Variants in DMD observed in about 807,000 individuals in gnomAD.
The protein encoded by DMD is dystrophin, also known as mutant dystrophin.
Under a neutral mutation model 330.1 loss-of-function variants are expected in DMD, and 63 were observed. The observed-to-expected ratio is 0.19, with a 90% CI of 0.16 to 0.24. The LOEUF (loss-of-function observed/expected upper bound fraction) is 0.24, where lower values mean the gene tolerates loss of function less well. Ranked by LOEUF, DMD falls within the 10% of genes least tolerant of loss-of-function variation. The pLI is 1.00. For missense variants in DMD, 3,344 were observed against 2,684.1 expected (o/e 1.25, Z -5.43); for synonymous variants, 1,223 against 959.8 (o/e 1.27, Z -5.07).
chrX:32,196,473 G>A (rs2097000888), intron 44 of DMD, among the ~76,000 whole-genome samples: 2 of 111,561 alleles, frequency 1.8e-5, no homozygotes, highest in African/African-American at 6.5e-5. Flanking sequence ...ATATTCAAAT[G>A]GATATACCAT....
At chrX:32,390,736 T>C (rs968621098) in intron 30 of DMD, among the ~76,000 whole-genome samples, 5 of 111,123 alleles carry the variant, frequency 4.5e-5, no homozygotes, top group Non-Finnish European at 7.5e-5. Flanking sequence ...CCCAGCCTGG[T>C]CCCAAACTCC....
chrX:31,599,149 CTTCTT>C (rs1034649700), intron 55 of DMD, among the ~76,000 whole-genome samples: 2 of 111,905 alleles, frequency 1.8e-5, no homozygotes, highest in Non-Finnish European at 3.8e-5. Context: ...CATTTTCTCT[CTTCTT>C]TTAATTATTA....
intron 44 of DMD, among the ~76,000 whole-genome samples, chrX:32,216,310 C>A (rs2097112143): frequency 8.9e-6 from 1 of 111,954 alleles, no homozygotes; most frequent in Non-Finnish European, 1.9e-5. Flanking sequence ...TCAAAGGACA[C>A]CACAAGTTGA....
At chrX:32,111,052 G>C (rs1461765388) in intron 44 of DMD, among the ~76,000 whole-genome samples, 2 of 112,050 alleles carry the variant, frequency 1.8e-5, no homozygotes, top group African/African-American at 6.5e-5. Context: ...GTTTACATAA[G>C]AAATAATGCG....
chrX:32,368,006 A>G (rs1252877602), intron 34 of DMD, among the ~76,000 whole-genome samples: 1 of 111,996 alleles, frequency 8.9e-6, no homozygotes, highest in Non-Finnish European at 1.9e-5. Flanking sequence ...TTGGGTTAGG[A>G]AAAAATATTG....
At chrX:32,760,528 T>A (rs2072141562) in intron 7 of DMD, among the ~76,000 whole-genome samples, 1 of 111,650 alleles carries the variant, frequency 9.0e-6, no homozygotes, top group Non-Finnish European at 1.9e-5. Context: ...CTACTGTATG[T>A]CCCTTGAGAT....
intron 59 of DMD, among the ~76,000 whole-genome samples, chrX:31,469,579 CTT>C (rs370127625): frequency 2.4e-3 from 273 of 111,807 alleles, no homozygotes; most frequent in African/African-American, 8.2e-3. Flanking sequence ...GTAGCCTGAC[CTT>C]TCTCTCTGGC....
intron 55 of DMD, among the ~76,000 whole-genome samples, chrX:31,574,400 C>G (rs1056119779): frequency 9.0e-6 from 1 of 110,615 alleles, no homozygotes; most frequent in East Asian, 2.8e-4. Context: ...GCCTCGGCCT[C>G]CCAAAGTGCT....
intron 7 of DMD, among the ~76,000 whole-genome samples, chrX:32,807,149 A>AAAAAAAAAAAT (rs2077017552): frequency 1.0e-5 from 1 of 98,614 alleles, no homozygotes; most frequent in Non-Finnish European, 2.0e-5. Flanking sequence ...AAAAAAAAAA[A>AAAAAAAAAAAT]CATCAACAAA....
At chrX:32,540,605 C>A (rs191140883) in intron 17 of DMD, among the ~76,000 whole-genome samples, 7 of 111,715 alleles carry the variant, frequency 6.3e-5, no homozygotes, top group Non-Finnish European at 1.3e-4. Flanking sequence ...GAATTATATA[C>A]CATTCACTCT....
chrX:32,201,151 T>G (rs986016070), intron 44 of DMD, among the ~76,000 whole-genome samples: 2 of 112,156 alleles, frequency 1.8e-5, no homozygotes, highest in Non-Finnish European at 3.8e-5. Context: ...ATAAACTATA[T>G]GTACTTGTGA....
chrX:32,939,101 T>A (rs1233253042), intron 2 of DMD, among the ~76,000 whole-genome samples: 3 of 109,471 alleles, frequency 2.7e-5, no homozygotes, highest in Non-Finnish European at 5.7e-5. Flanking sequence ...TTAGCAGGTA[T>A]CATATATCTG....
At chrX:33,192,144 G>A (rs1192549735) in intron 1 of DMD, among the ~76,000 whole-genome samples, 2 of 111,875 alleles carry the variant, frequency 1.8e-5, no homozygotes, top group South Asian at 3.7e-4. Flanking sequence ...CAAAATACTC[G>A]TGTTGGAACT....
At chrX:32,866,752 G>GGGGGT (rs2082539861) in intron 2 of DMD, among the ~76,000 whole-genome samples, 1 of 84,102 alleles carries the variant, frequency 1.2e-5, no homozygotes, top group Non-Finnish European at 2.3e-5. Context: ...TGGGGGGGGG[G>GGGGGT]GGACAGAGTT....
chrX:32,868,389 T>C (rs1198934557), intron 2 of DMD, among the ~76,000 whole-genome samples: 1 of 111,139 alleles, frequency 9.0e-6, no homozygotes, highest in Non-Finnish European at 1.9e-5. Flanking sequence ...AGCAAATGAC[T>C]GAGCTCTCCC....
chrX:33,055,751 T>TTA (rs925864291), intron 1 of DMD, among the ~76,000 whole-genome samples: 3 of 111,651 alleles, frequency 2.7e-5, no homozygotes, highest in African/African-American at 9.8e-5. Context: ...CCGTGTTTTA[T>TTA]AGTCTGACAA....
intron 52 of DMD, among the ~76,000 whole-genome samples, chrX:31,680,292 T>C (rs1179839389): frequency 1.8e-5 from 2 of 111,578 alleles, no homozygotes; most frequent in African/African-American, 6.5e-5. Context: ...CCCAAATAAA[T>C]CACTTGCTCT....
intron 1 of DMD, among the ~76,000 whole-genome samples, chrX:33,149,679 A>G (rs1389270343): frequency 4.5e-5 from 5 of 111,752 alleles, no homozygotes; most frequent in Non-Finnish European, 9.4e-5. Flanking sequence ...ACATGTAGGT[A>G]CTAGAGTCAA....
intron 50 of DMD, among the ~76,000 whole-genome samples, chrX:31,811,163 A>G (rs1906319189): frequency 8.9e-6 from 1 of 112,277 alleles, no homozygotes; most frequent in Admixed American, 9.4e-5. Context: ...GGGAGAAGAA[A>G]GGGAACTTCA....
Sources: allele counts gnomAD v4.1 joint callset (sites outside exome capture counted in the v4.1 genomes callset), GRCh38; gene constraint gnomAD v4.1.1; transcripts MANE v1.5; gene names NCBI Gene and HGNC (gene_info 2026-07-23, HGNC 2026-07-21).